Variants in KNL1 observed in about 807,000 individuals in gnomAD.
KNL1 encodes outer kinetochore KNL1 complex subunit KNL1.
A neutral mutation model predicts 201.3 loss-of-function variants in KNL1; 66 were observed. That is an observed-to-expected ratio of 0.33 (90% CI 0.27 to 0.40). The LOEUF is 0.40. KNL1 is among the 10% of genes least tolerant of loss of function. KNL1 has a pLI of 1.00. For missense variants in KNL1, 2,815 were observed against 2,690.5 expected (o/e 1.05, Z -1.02); for synonymous variants, 895 against 899.2 (o/e 1.00, Z 0.08).
chr15:40,612,206 C>A (rs1236642930), intron 7 of KNL1, among the ~76,000 whole-genome samples: 1 of 152,118 alleles, frequency 6.6e-6, no homozygotes, highest in Non-Finnish European at 1.5e-5. Flanking sequence ...GTCCCAGCTA[C>A]TCAGGAGGTT....
chr15:40,643,042 T>G (rs1257286896), intron 14 of KNL1: 2 of 152,218 alleles, frequency 1.3e-5, no homozygotes, highest in Admixed American at 6.5e-5. Flanking sequence ...ACAAGAGATA[T>G]TCTATCTCTG....
At chr15:40,641,633 A>G (rs1041363940) in intron 14 of KNL1, among the ~76,000 whole-genome samples, 1 of 152,212 alleles carries the variant, frequency 6.6e-6, no homozygotes, top group Admixed American at 6.5e-5. Flanking sequence ...CCCTCAAACT[A>G]TGTGTACAAG....
At chr15:40,616,182 G>GGT (rs1354996847) in intron 8 of KNL1, among the ~76,000 whole-genome samples, 1 of 148,014 alleles carries the variant, frequency 6.8e-6, no homozygotes, top group Non-Finnish European at 1.5e-5. Flanking sequence ...GGGGTGCAGT[G>GGT]GTGCAATCTG....
chr15:40,650,580 A>G lies in KNL1; in HGVS notation c.6209A>G (p.Gln2070Arg), dbSNP rs1247035329. Residue 2070 changes from glutamine (Q) to arginine (R), a missense_variant, in exon 19 of 26, where the codon CAA (glutamine) becomes CGA (arginine). By Grantham distance (43) the Gln-to-Arg change is conservative. Transcript: ENST00000399668. ...CTGAAAACTGAAGAAGAGGAGCTTC[A>G]AAGGTCAGCCTTCAATCCAAGTGTT... ...EQLKTEEEELQRNLLELEVQK... is the reference protein window; with the variant it reads ...EQLKTEEEELRRNLLELEVQK... 3 of 1,561,264 alleles carry G rather than the reference A, an allele frequency of 1.9e-6. No individual in the cohort carries two copies. The highest frequency in any genetic ancestry group is 1.2e-5 in the South Asian group (1 of 81,876).
chr15:40,619,252 C>A (rs1284898498), intron 9 of KNL1, among the ~76,000 whole-genome samples: 2 of 151,928 alleles, frequency 1.3e-5, no homozygotes, highest in Admixed American at 1.3e-4. Context: ...GTCTTTATTT[C>A]TATTTCCTTA....
chr15:40,658,402 G>T (rs529527452), intron 24 of KNL1, among the ~76,000 whole-genome samples: 89 of 151,390 alleles, frequency 5.9e-4, no homozygotes, highest in Non-Finnish European at 1.1e-3. Context: ...GGTGGCAGGT[G>T]CCTGTAATCC....
intron 21 of KNL1, among the ~76,000 whole-genome samples, chr15:40,653,911 G>T (rs1893645707): frequency 1.3e-5 from 2 of 152,076 alleles, no homozygotes; most frequent in African/African-American, 4.8e-5. Context: ...ACTAATAATT[G>T]TAAGAGCTCA....
intron 1 of KNL1, among the ~76,000 whole-genome samples, chr15:40,595,166 C>A (rs1047650352): frequency 2.6e-5 from 4 of 152,222 alleles, no homozygotes; most frequent in African/African-American, 9.6e-5. Flanking sequence ...GTTTTCACTT[C>A]CGTCGAATCC....
At chr15:40,599,522 T>C (rs976056413) in intron 1 of KNL1, among the ~76,000 whole-genome samples, 2 of 151,014 alleles carry the variant, frequency 1.3e-5, no homozygotes, top group African/African-American at 4.9e-5. Flanking sequence ...TAGCTGGGAC[T>C]ACATGTGCGA....
In KNL1 at chr15:40,623,217, A is replaced by G; in HGVS notation, c.2953A>G (p.Thr985Ala). The part of the protein sequence containing the change: ...FELSQRKSLG[T>A]PTVICTPTEE... ...ACTATCCCAAAGGAAAAGCCTAGGA[A>G]CACCAACAGTGATATGTACTCCTAC... is the stretch of plus-strand genomic sequence containing the variant. Residue 985 changes from threonine to alanine, a missense_variant, in exon 10 of 26, where the codon ACA (threonine) becomes GCA (alanine). Coordinates refer to ENST00000399668, the MANE Select transcript of KNL1 (RefSeq NM_144508.5). 1 of 1,613,998 alleles carries G rather than the reference A, an allele frequency of 6.2e-7. No homozygotes were observed. The highest frequency in any genetic ancestry group is 1.1e-5 in the South Asian group (1 of 91,076).
In KNL1 at chr15:40,650,352, A is replaced by G; in HGVS notation, c.6146A>G (p.Asp2049Gly). Residue 2049 changes from aspartate (D) to glycine (G), a missense_variant, in exon 18 of 26, where the codon GAT becomes GGT. Physicochemically the swap from Asp to Gly is moderately conservative, Grantham distance 94. Coordinates refer to ENST00000399668, the MANE Select transcript of KNL1 (RefSeq NM_144508.5). Reference sequence around the variant, plus strand: ...AAAAACAATCCTGTGGAAGAATGGGATTCTGAAATGAGAGCTGCAGAAAAA... The same window carrying G: ...AAAAACAATCCTGTGGAAGAATGGGGTTCTGAAATGAGAGCTGCAGAAAAA... ...EEKNNPVEEWDSEMRAAEKEL... is the reference protein window; with the variant it reads ...EEKNNPVEEWGSEMRAAEKEL... 6.2e-7 allele frequency: 1 copy of G among 1,613,102 alleles called. No homozygotes were observed. Among genetic ancestry groups the G allele is most frequent in the Non-Finnish European group, 8.5e-7 (1 of 1,179,212 alleles).
intron 8 of KNL1, among the ~76,000 whole-genome samples, chr15:40,616,847 C>T (rs1232266640): frequency 6.6e-6 from 1 of 152,200 alleles, no homozygotes; most frequent in Admixed American, 6.5e-5. Flanking sequence ...AAACTTATCT[C>T]CTACCCATTA....
At chr15:40,606,175 A>T (rs1891964888) in intron 3 of KNL1, among the ~76,000 whole-genome samples, 1 of 152,210 alleles carries the variant, frequency 6.6e-6, no homozygotes, top group Non-Finnish European at 1.5e-5. Context: ...ATGTGGGATG[A>T]GAGCGGGTAG....
chr15:40,638,010 T>C (rs1893108012), intron 13 of KNL1, among the ~76,000 whole-genome samples: 1 of 151,798 alleles, frequency 6.6e-6, no homozygotes. Flanking sequence ...AAACCCTCTC[T>C]CTACTAAAAA....
chr15:40,616,844 T>C (rs1010650008), intron 8 of KNL1, among the ~76,000 whole-genome samples: 1 of 152,240 alleles, frequency 6.6e-6, no homozygotes, highest in Non-Finnish European at 1.5e-5. Context: ...TCCAAACTTA[T>C]CTCCTACCCA....
chr15:40,635,746 C>T (rs1385906418), intron 13 of KNL1, among the ~76,000 whole-genome samples: 1 of 152,190 alleles, frequency 6.6e-6, no homozygotes, highest in Non-Finnish European at 1.5e-5. Context: ...TGCAGGAACT[C>T]AGTTGGCGGC....
intron 5 of KNL1, 21 bp downstream of exon 5, chr15:40,608,929 ACTAAAATAT>A (rs1489198816): frequency 7.7e-6 from 12 of 1,551,334 alleles, no homozygotes; most frequent in African/African-American, 1.4e-5. Flanking sequence ...AGCAGAAATA[ACTAAAATAT>A]TATAGGTACT....
chr15:40,607,477 A>G (rs2141702542), intron 4 of KNL1, among the ~76,000 whole-genome samples: 1 of 152,264 alleles, frequency 6.6e-6, no homozygotes. Context: ...ATTCTTTATT[A>G]TAATAAGACT....
At chr15:40,630,204 T>A (rs541585211) in intron 13 of KNL1, among the ~76,000 whole-genome samples, 28 of 152,274 alleles carry the variant, frequency 1.8e-4, no homozygotes, top group Middle Eastern at 6.8e-3. Flanking sequence ...CAATCAACGC[T>A]TTCAATTGAA....
Sources: allele counts gnomAD v4.1 joint callset (sites outside exome capture counted in the v4.1 genomes callset), GRCh38; gene constraint gnomAD v4.1.1; transcripts MANE v1.5; gene names NCBI Gene and HGNC (gene_info 2026-07-23, HGNC 2026-07-21).